CPED1: variants seen among roughly 807,000 people sequenced by gnomAD.
CPED1 encodes cadherin-like and PC-esterase domain-containing protein 1.
Under a neutral mutation model 128.2 loss-of-function variants are expected in CPED1, and 114 were observed. The ratio of observed to expected loss-of-function variants is 0.89; its 90% CI spans 0.76 to 1.04. The LOEUF (loss-of-function observed/expected upper bound fraction) is 1.04. CPED1 is among the 50% of genes least tolerant of loss of function. CPED1 has a pLI of 0.00. For missense variants in CPED1, 1,211 were observed against 1,207.1 expected, an observed-to-expected ratio of 1.00 and a Z score of -0.05; for synonymous variants, 462 against 426.7, an observed-to-expected ratio of 1.08 and a Z score of -1.02.
At chr7:121,246,877 G>A (rs377575487) in intron 18 of CPED1, among the ~76,000 whole-genome samples, 1 of 152,154 alleles carries the variant, frequency 6.6e-6, no homozygotes, top group South Asian at 2.1e-4. Context: ...ACAGCAAAAG[G>A]GCTTATCTTT....
intron 16 of CPED1, among the ~76,000 whole-genome samples, chr7:121,211,617 G>A (rs1419146408): frequency 1.1e-5 from 1 of 88,868 alleles, no homozygotes; most frequent in Non-Finnish European, 2.5e-5. Flanking sequence ...GCTGTGGATT[G>A]TTGAGAATCA....
chr7:121,133,720 A>G, intron 12 of CPED1, 103 bp from the exon 13 acceptor site: 4 of 739,644 alleles, frequency 5.4e-6, no homozygotes, highest in Non-Finnish European at 8.9e-6. Flanking sequence ...GTGTTCATCA[A>G]AGTAACTGTG....
At chr7:120,989,905 T>G in intron 2 of CPED1, 35 bp downstream of exon 2, 1 of 1,610,818 alleles carries the variant, frequency 6.2e-7, no homozygotes, top group Non-Finnish European at 8.5e-7. Context: ...AGACAGTTTC[T>G]GCAAAGACAG....
At position 121,087,633 on chromosome 7, in the gene CPED1, A is replaced by G. The variant is rs981974223; in HGVS notation, c.617-10066A>G. 3.2e-4 allele frequency among the ~76,000 whole-genome samples: 48 copies of G among 149,572 alleles called. 1 individual carries two copies. The highest frequency in any genetic ancestry group is 5.8e-4 in the Non-Finnish European group (39 of 67,782). On this transcript the variant is annotated intron_variant, in intron 5 of 22. Transcript: ENST00000310396. ...CAGCCAAAATATGACAAAGAGTTCA[A>G]GCTCAAGGATTCTTTCTTTTTCTTT...
At chr7:121,160,023 G>C (rs1214901679) in intron 16 of CPED1, among the ~76,000 whole-genome samples, 4 of 151,680 alleles carry the variant, frequency 2.6e-5, no homozygotes, top group Non-Finnish European at 5.9e-5. Context: ...TTTTAGCTTT[G>C]TGTTTTGAAA....
At chr7:121,094,527 A>G (rs1222714881) in intron 5 of CPED1, among the ~76,000 whole-genome samples, 1 of 152,202 alleles carries the variant, frequency 6.6e-6, no homozygotes, top group African/African-American at 2.4e-5. Context: ...AACCTCCAAA[A>G]CAAGTTCATT....
chr7:121,137,147 ATAGATT>A (rs1795802115), intron 14 of CPED1, among the ~76,000 whole-genome samples: 1 of 151,564 alleles, frequency 6.6e-6, no homozygotes, highest in Non-Finnish European at 1.5e-5. Flanking sequence ...GAAAAAAAGT[ATAGATT>A]TAGATTTAAT....
intron 16 of CPED1, among the ~76,000 whole-genome samples, chr7:121,235,878 G>A (rs561187403): frequency 6.6e-6 from 1 of 152,218 alleles, no homozygotes; most frequent in East Asian, 1.9e-4. Flanking sequence ...AATATAAGAT[G>A]TCTCCATGCA....
rs547416075 is a variant in CPED1, at chr7:121,176,617, G to A, written c.2055+34476G>A. 3.3e-5 allele frequency among the ~76,000 whole-genome samples: 5 copies of A among 152,150 alleles called. 1 individual carries two copies. The highest frequency in any genetic ancestry group is 1.3e-4 in the Admixed American group (2 of 15,254). ...AATATGTCCACAGGGAAAGGTGAAC[G>A]TCATGACAATAGCTCAAAAATATCT... is the stretch of plus-strand genomic sequence containing the variant. On this transcript the variant is annotated intron_variant, in intron 16 of 22. Coordinates refer to ENST00000310396, the MANE Select transcript of CPED1 (RefSeq NM_024913.5).
chr7:121,226,700 A>G (rs1373097226), intron 16 of CPED1, among the ~76,000 whole-genome samples: 1 of 152,146 alleles, frequency 6.6e-6, no homozygotes, highest in Non-Finnish European at 1.5e-5. Flanking sequence ...CTCTCTTAAT[A>G]TTAATTTACA....
At chr7:121,051,665 C>T in intron 4 of CPED1, 1 of 318,708 alleles carries the variant, frequency 3.1e-6, no homozygotes, top group Non-Finnish European at 6.0e-6. Flanking sequence ...TTCTCCCTGT[C>T]AGAATTGTGT....
chr7:121,130,334 T>C, intron 12 of CPED1, 40 bp downstream of exon 12: 2 of 1,522,400 alleles, frequency 1.3e-6, no homozygotes, highest in Non-Finnish European at 8.8e-7. Context: ...ATCCAAAAAA[T>C]CTCTAGTTTA....
Position 121,260,539 on chromosome 7 carries a change from G to A in CPED1, c.2311-5688G>A, listed in dbSNP as rs1373389403. Reference sequence around the variant, plus strand: ...TTATCTTAGGAGATCAGTGGTTTTCGACCTTAGGGCTCATCAGTATCACTG... The same window carrying A: ...TTATCTTAGGAGATCAGTGGTTTTCAACCTTAGGGCTCATCAGTATCACTG... On this transcript the variant is annotated intron_variant, in intron 18 of 22. Transcript: ENST00000310396. 2.6e-5 allele frequency among the ~76,000 whole-genome samples: 4 copies of A among 151,816 alleles called. No individual in the cohort carries two copies. In the East Asian group the frequency reaches 7.8e-4, roughly 29 times the overall value.
chr7:121,073,564 T>C (rs994574436), intron 5 of CPED1, among the ~76,000 whole-genome samples: 8 of 152,178 alleles, frequency 5.3e-5, no homozygotes, highest in Non-Finnish European at 1.0e-4. Flanking sequence ...AGGGTTCAGT[T>C]GTAAAAGAGG....
chr7:121,015,711 C>T lies in CPED1; in HGVS notation c.296C>T (p.Ala99Val). 1.9e-6 allele frequency: 3 copies of T among 1,608,086 alleles called. No homozygotes were observed. The highest frequency in any genetic ancestry group is 2.5e-6 in the Non-Finnish European group (3 of 1,178,260). The change falls in exon 3 of 23, where the codon GCC (alanine) becomes GTC (valine). Residue 99 changes from alanine (A) to valine (V), a missense_variant. By Grantham distance (64) the Ala-to-Val change is moderately conservative. Transcript: ENST00000310396. ...ETHFGSHGRR[A>V]ILYRPPFYSK... ...CACTTTGGCAGCCATGGCCGAAGGG[C>T]CATACTCTACAGGCCTCCTTTCTAC...
At chr7:121,048,737 C>G (rs1198716676) in intron 4 of CPED1, among the ~76,000 whole-genome samples, 1 of 152,078 alleles carries the variant, frequency 6.6e-6, no homozygotes, top group Non-Finnish European at 1.5e-5. Context: ...CGGGGTTTTG[C>G]TGTGTTGACC....
intron 22 of CPED1, among the ~76,000 whole-genome samples, chr7:121,274,141 C>T (rs1195335970): frequency 1.3e-5 from 2 of 152,066 alleles, no homozygotes; most frequent in East Asian, 1.9e-4. Flanking sequence ...AAAATGTCCT[C>T]GAATAATTTC....
intron 2 of CPED1, among the ~76,000 whole-genome samples, chr7:120,991,569 T>C (rs553038668): frequency 8.5e-5 from 13 of 152,370 alleles, no homozygotes; most frequent in African/African-American, 3.1e-4. Context: ...ATTCATGAAC[T>C]TACAGCTTTC....
intron 6 of CPED1, among the ~76,000 whole-genome samples, chr7:121,099,595 T>C (rs1394531535): frequency 2.0e-5 from 3 of 152,222 alleles, no homozygotes; most frequent in Non-Finnish European, 4.4e-5. Flanking sequence ...CTCCAACTCC[T>C]GAGCTCATGA....
Sources: allele counts gnomAD v4.1 joint callset (sites outside exome capture counted in the v4.1 genomes callset), GRCh38; gene constraint gnomAD v4.1.1; transcripts MANE v1.5; gene names NCBI Gene and HGNC (gene_info 2026-07-23, HGNC 2026-07-21).